GUCA1C: variants seen among roughly 807,000 people sequenced by gnomAD.
GUCA1C encodes guanylyl cyclase-activating protein 3.
In GUCA1C, 15 loss-of-function variants were observed where a neutral mutation model predicts 16.2. The ratio of observed to expected loss-of-function variants is 0.93; its 90% CI spans 0.62 to 1.43. GUCA1C has a LOEUF of 1.43. Among genes scored for constraint, GUCA1C ranks in the 40% most tolerant of loss-of-function variants. GUCA1C has a pLI of 0.00. For missense variants in GUCA1C, 275 were observed against 244.8 expected, an observed-to-expected ratio of 1.12 and a Z score of -0.82; for synonymous variants, 78 against 85.4, an observed-to-expected ratio of 0.91 and a Z score of 0.48.
chr3:108,929,546 C>T (rs1334315207), intron 1 of GUCA1C, among the ~76,000 whole-genome samples: 2 of 152,038 alleles, frequency 1.3e-5, no homozygotes, highest in East Asian at 3.9e-4. Context: ...AGTGGGAAAG[C>T]TCTTAGTTTC....
chr3:108,919,536 C>T (rs577183898), intron 2 of GUCA1C, among the ~76,000 whole-genome samples: 5 of 152,206 alleles, frequency 3.3e-5, no homozygotes, highest in South Asian at 2.1e-4. Context: ...TTAGCAATAT[C>T]GGTATTATCC....
chr3:108,912,199 C>T (rs1191423934), intron 3 of GUCA1C, among the ~76,000 whole-genome samples: 3 of 151,692 alleles, frequency 2.0e-5, no homozygotes, highest in Non-Finnish European at 4.4e-5. Context: ...GTCTCCCTTA[C>T]CCCTGTGCCT....
intron 1 of GUCA1C, among the ~76,000 whole-genome samples, chr3:108,944,300 T>G (rs566153348): frequency 1.3e-5 from 2 of 152,302 alleles, no homozygotes; most frequent in African/African-American, 4.8e-5. Context: ...AACCTGAGGA[T>G]GACCCTGTCT....
intron 3 of GUCA1C, among the ~76,000 whole-genome samples, chr3:108,912,824 T>G (rs942236903): frequency 6.6e-6 from 1 of 152,110 alleles, no homozygotes; most frequent in Non-Finnish European, 1.5e-5. Context: ...CAGACACTCT[T>G]TCATTTCACA....
At chr3:108,938,402 C>G (rs1002782004) in intron 1 of GUCA1C, among the ~76,000 whole-genome samples, 3 of 152,154 alleles carry the variant, frequency 2.0e-5, no homozygotes, top group African/African-American at 7.2e-5. Context: ...AATGATTACT[C>G]AGATGGTCAG....
At chr3:108,912,360 T>C (rs921855901) in intron 3 of GUCA1C, among the ~76,000 whole-genome samples, 3 of 151,948 alleles carry the variant, frequency 2.0e-5, no homozygotes, top group Non-Finnish European at 2.9e-5. Context: ...GCCTGCAGAA[T>C]TCCACACTGA....
rs138716801 is a variant in GUCA1C at position 108,935,652 on chromosome 3, C to A, written c.205-15067G>T. 7.7e-4 allele frequency among the ~76,000 whole-genome samples: 117 copies of A among 152,114 alleles called. No individual in the cohort carries two copies. In the South Asian group the frequency reaches 7.9e-3, roughly 10 times the overall value. ...CGGAGGTTACAGTGAGCCAAGATTG[C>A]GCCACTGCACTCCAGCCTGGGCAAC... On this transcript the variant is annotated intron_variant, in intron 1 of 3. Transcript: ENST00000261047.
chr3:108,934,741 C>T (rs946442665), intron 1 of GUCA1C, among the ~76,000 whole-genome samples: 1 of 149,990 alleles, frequency 6.7e-6, no homozygotes, highest in African/African-American at 2.4e-5. Flanking sequence ...CTGGAGGCCA[C>T]TATCCTAAGG....
intron 1 of GUCA1C, among the ~76,000 whole-genome samples, chr3:108,926,485 G>T (rs1358047732): frequency 6.6e-6 from 1 of 151,986 alleles, no homozygotes; most frequent in Non-Finnish European, 1.5e-5. Context: ...TTGCCTGAAG[G>T]TCTGGTTTTT....
rs562184864 is a variant in GUCA1C at position 108,928,913 on chromosome 3, C to T, written c.205-8328G>A. The stretch of plus-strand genomic sequence containing the variant: ...TTCTTCTCCTTCAATATTATATTGG[C>T]GATTCTGGGTCTTTTGCCTCTCCAT... On this transcript the variant is annotated intron_variant, in intron 1 of 3. Transcript: ENST00000261047. Among the ~76,000 whole-genome samples, 88 of 152,228 alleles carry T rather than the reference C, an allele frequency of 5.8e-4. 1 individual carries two copies. Among genetic ancestry groups the T allele is most frequent in the African/African-American group, 1.9e-3 (77 of 41,534 alleles).
At chr3:108,916,616 G>GT (rs1176119929) in intron 2 of GUCA1C, among the ~76,000 whole-genome samples, 4 of 152,190 alleles carry the variant, frequency 2.6e-5, no homozygotes, top group African/African-American at 7.2e-5. Flanking sequence ...CCACAATGCT[G>GT]TAAGAGTCTC....
At chr3:108,911,346 G>T (rs546947299) in intron 3 of GUCA1C, among the ~76,000 whole-genome samples, 1 of 152,216 alleles carries the variant, frequency 6.6e-6, no homozygotes, top group Non-Finnish European at 1.5e-5. Context: ...AGCATTTCTG[G>T]TCTAAAGAAG....
At chr3:108,919,328 T>C (rs980374087) in intron 2 of GUCA1C, among the ~76,000 whole-genome samples, 14 of 152,126 alleles carry the variant, frequency 9.2e-5, no homozygotes, top group African/African-American at 3.4e-4. Context: ...ATTTACATTT[T>C]CATTGTTTTT....
At chr3:108,910,679 T>TC (rs1451617190) in intron 3 of GUCA1C, among the ~76,000 whole-genome samples, 1 of 151,652 alleles carries the variant, frequency 6.6e-6, no homozygotes, top group Non-Finnish European at 1.5e-5. Context: ...AGACGGAGTC[T>TC]CCCTCTGTCT....
At position 108,908,104 on chromosome 3, in the gene GUCA1C, C is replaced by G; in HGVS notation, c.548G>C (p.Cys183Ser). 2 of 1,613,806 alleles carry G rather than the reference C, an allele frequency of 1.2e-6. No homozygotes were observed. The highest frequency in any genetic ancestry group is 8.5e-7 in the Non-Finnish European group (1 of 1,179,696). ...FDFSNVLRVI[C>S]NGKQPDMETD... ...CTCCATGTCTGGCTGCTTCCCATTACAGATTACTCTCAGCACATTGGAGAA... is the reference window on the plus strand; with the variant it reads ...CTCCATGTCTGGCTGCTTCCCATTAGAGATTACTCTCAGCACATTGGAGAA... Residue 183 changes from cysteine (C) to serine (S), a missense_variant, in exon 4 of 4, where the codon TGT becomes TCT. By Grantham distance (112) the Cys-to-Ser change is moderately radical. Transcript: ENST00000261047.
At chr3:108,936,869 C>A (rs1241645612) in intron 1 of GUCA1C, among the ~76,000 whole-genome samples, 1 of 152,134 alleles carries the variant, frequency 6.6e-6, no homozygotes, top group African/African-American at 2.4e-5. Flanking sequence ...GCTCTTGGGG[C>A]CACCACTTCT....
intron 1 of GUCA1C, among the ~76,000 whole-genome samples, chr3:108,922,131 T>A (rs1946574165): frequency 6.6e-6 from 1 of 151,342 alleles, no homozygotes. Flanking sequence ...TGAGTAGTAT[T>A]CCATGGTGTA....
At chr3:108,954,708 TTC>T (rs1358745209), upstream of GUCA1C, among the ~76,000 whole-genome samples, 1 of 151,858 alleles carries the variant, frequency 6.6e-6, no homozygotes, top group Non-Finnish European at 1.5e-5. Context: ...TAGAATATAA[TTC>T]TGTTACCCCT....
At chr3:108,944,178 A>G (rs1007777092) in intron 1 of GUCA1C, among the ~76,000 whole-genome samples, 10 of 152,196 alleles carry the variant, frequency 6.6e-5, no homozygotes, top group Non-Finnish European at 8.8e-5. Flanking sequence ...ATATGGGGAA[A>G]AAAAGGAGGG....
Sources: gnomAD v4.1 joint callset for allele counts (sites outside exome capture counted in the v4.1 genomes callset) on GRCh38, gnomAD v4.1.1 for gene constraint, MANE v1.5 for transcripts, NCBI Gene and HGNC (gene_info 2026-07-23, HGNC 2026-07-21) for gene names.